KALRN: variants seen among roughly 807,000 people sequenced by gnomAD.
KALRN encodes kalirin RhoGEF kinase, also known as kalirin.
A neutral mutation model predicts 353.7 loss-of-function variants in KALRN; 70 were observed. That is an observed-to-expected ratio of 0.20 (90% CI 0.16 to 0.24). KALRN has a LOEUF of 0.24. Among genes scored for constraint, KALRN ranks in the 10% least tolerant of loss-of-function variants. The pLI, the probability that KALRN is intolerant of heterozygous loss-of-function variation, is 1.00. For synonymous variants in KALRN, 1,391 were observed against 1,434.8 expected, an observed-to-expected ratio of 0.97 and a Z score of 0.69; for missense variants, 2,791 against 3,756.7, an observed-to-expected ratio of 0.74 and a Z score of 6.72.
chr3:124,157,021 CA>C (rs2069099643), intron 1 of KALRN, among the ~76,000 whole-genome samples: 2 of 152,190 alleles, frequency 1.3e-5, no homozygotes, highest in Admixed American at 6.5e-5. Flanking sequence ...AATCTCTGCA[CA>C]TTTAAAAACC....
chr3:124,395,023 G>A (rs2089975045), intron 11 of KALRN, 112 bp from the exon 12 acceptor site: 1 of 725,392 alleles, frequency 1.4e-6, no homozygotes, highest in Non-Finnish European at 2.4e-6. Context: ...GATGAGAATG[G>A]CACTGACTGG....
At chr3:124,047,673 T>A (rs528630765) in intron 1 of KALRN, among the ~76,000 whole-genome samples, 134 of 150,136 alleles carry the variant, frequency 8.9e-4, no homozygotes, top group Admixed American at 3.1e-3. Flanking sequence ...TTTTTTATTT[T>A]TTTTTATTTT....
In KALRN at chr3:124,724,200, A is replaced by G. The variant is rs1005826465; in HGVS notation, c.*4730A>G. 3 of 152,160 alleles carry G rather than the reference A, an allele frequency of 2.0e-5. No homozygotes were observed. Among genetic ancestry groups the G allele is most frequent in the Admixed American group, 6.5e-5 (1 of 15,278 alleles). 9.4% of individuals were successfully genotyped at this position (152,160 alleles called of 1,614,324 possible). On this transcript the variant is annotated 3_prime_UTR_variant, in exon 60 of 60. Transcript: ENST00000682506. ...GAGGGAGCAAATATGATATAAACTA[A>G]ATTTTGCATTAACTAAAACTTTGTC...
At chr3:124,314,335 T>C (rs888874035) in intron 6 of KALRN, among the ~76,000 whole-genome samples, 6 of 108,414 alleles carry the variant, frequency 5.5e-5, no homozygotes, top group African/African-American at 2.2e-4. Flanking sequence ...GAACATCACA[T>C]ACCGGGGCCT....
At chr3:124,544,194 A>C (rs1231293237) in intron 33 of KALRN, among the ~76,000 whole-genome samples, 1 of 152,224 alleles carries the variant, frequency 6.6e-6, no homozygotes, top group Non-Finnish European at 1.5e-5. Context: ...AAGATATGCA[A>C]ACCACTCCAT....
chr3:124,532,387 A>G (rs2068116662), intron 33 of KALRN, among the ~76,000 whole-genome samples: 1 of 152,254 alleles, frequency 6.6e-6, no homozygotes, highest in African/African-American at 2.4e-5. Context: ...GGGCAAGAAA[A>G]TGTAGCACTG....
chr3:124,186,554 A>G (rs2074252644), intron 1 of KALRN, among the ~76,000 whole-genome samples: 1 of 152,202 alleles, frequency 6.6e-6, no homozygotes, highest in Non-Finnish European at 1.5e-5. Context: ...CTTGTCATAT[A>G]TACTACTGAA....
chr3:124,465,319 C>G (rs77067898), intron 25 of KALRN, among the ~76,000 whole-genome samples: 3,794 of 152,186 alleles, frequency 0.025, 64 homozygotes, highest in South Asian at 0.05. Context: ...GGGAGAACAT[C>G]TTTCACTGCA....
At chr3:124,447,010 A>C (rs1318060829) in intron 21 of KALRN, 125 bp downstream of exon 21, 10 of 1,105,096 alleles carry the variant, frequency 9.0e-6, no homozygotes, top group Non-Finnish European at 1.2e-5. Flanking sequence ...CAAGGGGGGA[A>C]GCATGTAAAT....
At chr3:124,418,534 T>C (rs2092624574) in intron 14 of KALRN, among the ~76,000 whole-genome samples, 3 of 152,222 alleles carry the variant, frequency 2.0e-5, no homozygotes, top group African/African-American at 4.8e-5. Flanking sequence ...AGATGTTCTG[T>C]ATCTGAGGCT....
At chr3:124,240,543 C>A (rs1397534600) in intron 3 of KALRN, among the ~76,000 whole-genome samples, 1 of 152,110 alleles carries the variant, frequency 6.6e-6, no homozygotes, top group Non-Finnish European at 1.5e-5. Flanking sequence ...GTGGAAGATG[C>A]CACCAACACA....
chr3:124,460,253 G>A (rs566010137), intron 23 of KALRN, among the ~76,000 whole-genome samples: 12 of 152,260 alleles, frequency 7.9e-5, no homozygotes, highest in South Asian at 4.1e-4. Flanking sequence ...TTTCAGAGGC[G>A]TCATAATTCA....
At chr3:124,654,197 C>T (rs1272468838) in intron 38 of KALRN, among the ~76,000 whole-genome samples, 1 of 152,176 alleles carries the variant, frequency 6.6e-6, no homozygotes, top group Non-Finnish European at 1.5e-5. Flanking sequence ...TATTTAAATG[C>T]TTTCATTTGG....
intron 34 of KALRN, among the ~76,000 whole-genome samples, chr3:124,606,862 CA>C (rs1322658167): frequency 6.6e-6 from 1 of 152,116 alleles, no homozygotes; most frequent in Non-Finnish European, 1.5e-5. Context: ...ATAAACTTTT[CA>C]AAAGATAACA....
chr3:124,329,281 C>T (rs532111030), intron 7 of KALRN, among the ~76,000 whole-genome samples: 1 of 152,322 alleles, frequency 6.6e-6, no homozygotes, highest in South Asian at 2.1e-4. Context: ...CCCTAGACTG[C>T]CTCTCTCGTT....
At chr3:124,067,492 C>G (rs573397931) in intron 1 of KALRN, among the ~76,000 whole-genome samples, 1 of 151,800 alleles carries the variant, frequency 6.6e-6, no homozygotes, top group Non-Finnish European at 1.5e-5. Flanking sequence ...CAGCAAAAAA[C>G]AAAAAACCAC....
At chr3:124,397,135 TG>T (rs2090264868) in intron 12 of KALRN, among the ~76,000 whole-genome samples, 1 of 152,168 alleles carries the variant, frequency 6.6e-6, no homozygotes, top group Non-Finnish European at 1.5e-5. Context: ...GGAAAATTTG[TG>T]ATGGAGAAAG....
At chr3:124,144,881 T>C (rs1394591361) in intron 1 of KALRN, among the ~76,000 whole-genome samples, 1 of 152,156 alleles carries the variant, frequency 6.6e-6, no homozygotes, top group Non-Finnish European at 1.5e-5. Flanking sequence ...CAAGCAGCCA[T>C]TAAATAAACA....
chr3:124,359,205 C>G (rs1050902257), intron 10 of KALRN, among the ~76,000 whole-genome samples: 1 of 152,216 alleles, frequency 6.6e-6, no homozygotes, highest in African/African-American at 2.4e-5. Flanking sequence ...TTGCCCTTCT[C>G]TGCCTGTCCT....
Sources: allele counts gnomAD v4.1 joint callset (sites outside exome capture counted in the v4.1 genomes callset), GRCh38; gene constraint gnomAD v4.1.1; transcripts MANE v1.5; gene names NCBI Gene and HGNC (gene_info 2026-07-23, HGNC 2026-07-21).